The following RANBP17 variants were observed in gnomAD, a reference collection of about 807,000 sequenced individuals.
The protein encoded by RANBP17 is RAN binding protein 17.
A neutral mutation model predicts 141.2 loss-of-function variants in RANBP17; 158 were observed. The ratio of observed to expected loss-of-function variants is 1.12; its 90% CI spans 0.98 to 1.28. The LOEUF (loss-of-function observed/expected upper bound fraction) is 1.28. Ranked by LOEUF, RANBP17 falls within the 50% of genes most tolerant of loss-of-function variation. The pLI, the probability that RANBP17 is intolerant of heterozygous loss-of-function variation, is 0.00. For synonymous variants in RANBP17, 430 were observed against 450.0 expected (o/e 0.96, Z 0.56); for missense variants, 1,438 against 1,290.7 (o/e 1.11, Z -1.75).
intron 14 of RANBP17, among the ~76,000 whole-genome samples, chr5:171,152,978 G>A (rs1758597814): frequency 6.6e-6 from 1 of 152,188 alleles, no homozygotes; most frequent in African/African-American, 2.4e-5. Flanking sequence ...AAATGATGAA[G>A]TGTAATTCCT....
chr5:170,944,680 A>T (rs1349838878), intron 12 of RANBP17, among the ~76,000 whole-genome samples: 1 of 152,238 alleles, frequency 6.6e-6, no homozygotes, highest in African/African-American at 2.4e-5. Context: ...TTTCTCATAC[A>T]ATAGAAACCA....
intron 3 of RANBP17, among the ~76,000 whole-genome samples, chr5:170,891,662 A>G (rs978639565): frequency 1.3e-5 from 2 of 152,176 alleles, no homozygotes; most frequent in African/African-American, 4.8e-5. Flanking sequence ...TGGCTGGAGC[A>G]GGAGAAAGAG....
Position 170,934,441 on chromosome 5 carries a change from T to A in RANBP17, c.1468+9891T>A, listed in dbSNP as rs556297539. Among the ~76,000 whole-genome samples, 95 of 152,286 alleles carry A rather than the reference T, an allele frequency of 6.2e-4. 1 individual carries two copies. Among genetic ancestry groups the A allele is most frequent in the Admixed American group, 6.2e-3 (95 of 15,288 alleles). Reference sequence around the variant, plus strand: ...TTCCTAGTATTGGTCTTATTTGGCATGTTTTTGCAGTGGCTGGTACCAGTT... The same window carrying A: ...TTCCTAGTATTGGTCTTATTTGGCAAGTTTTTGCAGTGGCTGGTACCAGTT... On this transcript the variant is annotated intron_variant, in intron 12 of 27. Transcript: ENST00000523189.
At chr5:171,277,682 C>G (rs1207151661) in intron 25 of RANBP17, among the ~76,000 whole-genome samples, 1 of 38,518 alleles carries the variant, frequency 2.6e-5, no homozygotes, top group African/African-American at 7.7e-5. Flanking sequence ...TGTCTTACAG[C>G]TCTGTGAGGT....
chr5:171,164,715 G>C (rs547720242), intron 14 of RANBP17, among the ~76,000 whole-genome samples: 2 of 152,214 alleles, frequency 1.3e-5, no homozygotes, highest in South Asian at 4.1e-4. Flanking sequence ...CCATATTTCA[G>C]GAGCAAGAGA....
chr5:170,955,629 ATATATATATATGCTCAGTG>A (rs1454541506), intron 13 of RANBP17, among the ~76,000 whole-genome samples: 17 of 84,888 alleles, frequency 2.0e-4, no homozygotes, highest in African/African-American at 9.6e-4. Context: ...ATATATATAT[ATATATATATATGCTCAGTG>A]TATATATATA....
At chr5:170,892,304 AC>A (rs1769700911) in intron 3 of RANBP17, 82 bp from the exon 4 acceptor site, 2 of 207,916 alleles carry the variant, frequency 9.6e-6, no homozygotes, top group Non-Finnish European at 9.9e-6. Flanking sequence ...CCCTTCCCCC[AC>A]CCCCACCTCT....
At chr5:171,252,918 C>T (rs1286932178) in intron 24 of RANBP17, 12 of 1,463,898 alleles carry the variant, frequency 8.2e-6, no homozygotes, top group African/African-American at 4.2e-5. Flanking sequence ...AAGAAGTCTA[C>T]GGGCTGACAT....
At chr5:170,969,443 A>G (rs1322519356) in intron 14 of RANBP17, among the ~76,000 whole-genome samples, 1 of 151,894 alleles carries the variant, frequency 6.6e-6, no homozygotes, top group Non-Finnish European at 1.5e-5. Context: ...TATAAAATTT[A>G]TATAACAGAG....
At chr5:171,259,312 T>G (rs1476424307) in intron 24 of RANBP17, among the ~76,000 whole-genome samples, 2 of 152,136 alleles carry the variant, frequency 1.3e-5, no homozygotes, top group Non-Finnish European at 2.9e-5. Context: ...AGTATGGAGA[T>G]TTCTCAAAAA....
intron 1 of RANBP17, among the ~76,000 whole-genome samples, chr5:170,868,401 A>G (rs1419473509): frequency 6.6e-6 from 1 of 150,932 alleles, no homozygotes; most frequent in African/African-American, 2.5e-5. Flanking sequence ...GGCATGTGCT[A>G]CCACACCTGG....
In RANBP17 at chr5:171,190,298, T is replaced by C. The variant is rs534728369; in HGVS notation, c.2038+6868T>C. 3.3e-5 allele frequency among the ~76,000 whole-genome samples: 5 copies of C among 152,336 alleles called. No homozygotes were observed. The South Asian group carries it at 8.3e-4, about 25-fold the overall frequency. ...ATTAGATGCTATGTGCCCCAGGTTG[T>C]ATTTCAGATGAAAATGGCGGCGGGG... On this transcript the variant is annotated intron_variant, in intron 18 of 27. Coordinates refer to ENST00000523189, the MANE Select transcript of RANBP17 (RefSeq NM_022897.5).
intron 12 of RANBP17, among the ~76,000 whole-genome samples, chr5:170,927,938 A>G (rs1192296556): frequency 6.6e-6 from 1 of 152,026 alleles, no homozygotes; most frequent in East Asian, 1.9e-4. Flanking sequence ...ATGTTGTAAG[A>G]TACTACTAAA....
intron 12 of RANBP17, among the ~76,000 whole-genome samples, chr5:170,926,361 T>G (rs1772919237): frequency 6.6e-6 from 1 of 152,174 alleles, no homozygotes; most frequent in Non-Finnish European, 1.5e-5. Flanking sequence ...TAGTTGAGAA[T>G]AATATACCTC....
At chr5:171,009,347 A>T (rs1004605761) in intron 14 of RANBP17, among the ~76,000 whole-genome samples, 3 of 152,196 alleles carry the variant, frequency 2.0e-5, no homozygotes, top group Admixed American at 2.0e-4. Flanking sequence ...AGCTATTAAC[A>T]TTGCTTTACT....
At chr5:171,073,083 A>G (rs1406641894) in intron 14 of RANBP17, among the ~76,000 whole-genome samples, 3 of 152,144 alleles carry the variant, frequency 2.0e-5, no homozygotes, top group Non-Finnish European at 4.4e-5. Context: ...AAGGGGTGTG[A>G]TAGAACTGTT....
At chr5:171,051,293 T>C (rs1296012853) in intron 14 of RANBP17, among the ~76,000 whole-genome samples, 2 of 152,168 alleles carry the variant, frequency 1.3e-5, no homozygotes, top group Non-Finnish European at 2.9e-5. Flanking sequence ...AATATACACA[T>C]TCAGTGACCT....
At chr5:170,999,014 A>C (rs918612338) in intron 14 of RANBP17, among the ~76,000 whole-genome samples, 1 of 152,092 alleles carries the variant, frequency 6.6e-6, no homozygotes, top group Non-Finnish European at 1.5e-5. Flanking sequence ...GAGGCAGTTA[A>C]AAAAATTTGA....
At chr5:171,006,560 C>T (rs1779625102) in intron 14 of RANBP17, among the ~76,000 whole-genome samples, 1 of 151,992 alleles carries the variant, frequency 6.6e-6, no homozygotes, top group Non-Finnish European at 1.5e-5. Flanking sequence ...AACACATGGA[C>T]ACAGGAAGGG....
Sources: gnomAD v4.1 joint callset for allele counts (sites outside exome capture counted in the v4.1 genomes callset) on GRCh38, gnomAD v4.1.1 for gene constraint, MANE v1.5 for transcripts, NCBI Gene and HGNC (gene_info 2026-07-23, HGNC 2026-07-21) for gene names.